Variants in TOX observed in about 807,000 individuals in gnomAD.
The protein encoded by TOX is thymocyte selection-associated high mobility group box protein TOX.
Under a neutral mutation model 53.7 loss-of-function variants are expected in TOX, and 11 were observed. The observed-to-expected ratio is 0.20, with a 90% confidence interval of 0.13 to 0.34. The LOEUF (loss-of-function observed/expected upper bound fraction) is 0.34, where lower values mean the gene tolerates loss of function less well. TOX is among the 10% of genes least tolerant of loss of function. TOX has a pLI of 1.00. For synonymous variants in TOX, 225 were observed against 245.3 expected, an observed-to-expected ratio of 0.92 and a Z score of 0.77; for missense variants, 570 against 664.6, an observed-to-expected ratio of 0.86 and a Z score of 1.56.
In TOX at chr8:58,851,158, GTCTCTCTCTC is replaced by G. The variant is rs560478337; in HGVS notation, c.693+356_693+365del. Among the ~76,000 whole-genome samples the G allele has an allele frequency of 2.2e-4, 26 of 118,214 alleles. No individual in the cohort carries two copies. Among genetic ancestry groups the G allele is most frequent in the African/African-American group, 4.1e-4 (13 of 31,978 alleles). The allele number at this position is 118,214 out of a possible 152,430, so 77.6% of individuals were successfully genotyped here. The stretch of plus-strand genomic sequence containing the variant: ...CACCATACATCTCCTCTCTCTCTCT[GTCTCTCTCTC>G]TCTCTCTCTCTCTCTCTCACACACA... On this transcript the variant is annotated intron_variant, in intron 4 of 8. Coordinates refer to ENST00000361421, the MANE Select transcript of TOX (RefSeq NM_014729.3). This position sits in a 1 kb window ranked among gnomAD's most constrained non-coding sequence, Gnocchi z 4.4.
chr8:58,895,948 T>C (rs1355206840), intron 3 of TOX, among the ~76,000 whole-genome samples: 1 of 152,218 alleles, frequency 6.6e-6, no homozygotes, highest in African/African-American at 2.4e-5. Context: ...CCAGAGCAGA[T>C]GACTTGTAAG....
intron 1 of TOX, among the ~76,000 whole-genome samples, chr8:59,040,217 T>C (rs1803550732): frequency 6.7e-6 from 1 of 148,170 alleles, no homozygotes; most frequent in Admixed American, 6.8e-5. Context: ...TAGTCCCAGC[T>C]ACTTGGGAGG....
At chr8:58,857,877 C>G (rs1364199274) in intron 3 of TOX, among the ~76,000 whole-genome samples, 1 of 152,096 alleles carries the variant, frequency 6.6e-6, no homozygotes, top group Non-Finnish European at 1.5e-5. Context: ...TCGAGTGATT[C>G]TCCTGCCTCA....
At chr8:59,098,381 C>T (rs1804749577) in intron 1 of TOX, among the ~76,000 whole-genome samples, 2 of 151,886 alleles carry the variant, frequency 1.3e-5, no homozygotes, top group African/African-American at 4.8e-5. Context: ...TTTTGTCTTT[C>T]ATGCTATTCT....
At chr8:58,906,253 T>C (rs1007352303) in intron 3 of TOX, among the ~76,000 whole-genome samples, 13 of 152,164 alleles carry the variant, frequency 8.5e-5, no homozygotes, top group Non-Finnish European at 1.6e-4. Flanking sequence ...AAACAGTATC[T>C]TAGTTGTGCA....
chr8:58,968,194 T>C (rs1812937928), intron 1 of TOX, among the ~76,000 whole-genome samples: 1 of 152,194 alleles, frequency 6.6e-6, no homozygotes, highest in African/African-American at 2.4e-5. Flanking sequence ...AATATGTGGA[T>C]GAAAGCTTAA....
chr8:59,105,625 A>C (rs1415923609), intron 1 of TOX, among the ~76,000 whole-genome samples: 2 of 152,158 alleles, frequency 1.3e-5, no homozygotes, highest in African/African-American at 4.8e-5. Flanking sequence ...TAGAGCCTAG[A>C]ACAAAGTTAT....
chr8:58,884,760 A>T (rs1811439171), intron 3 of TOX, among the ~76,000 whole-genome samples: 1 of 152,176 alleles, frequency 6.6e-6, no homozygotes. Context: ...GTTATTCCAT[A>T]AAGATTCATC....
intron 1 of TOX, among the ~76,000 whole-genome samples, chr8:58,972,427 G>T (rs1813017267): frequency 6.6e-6 from 1 of 152,076 alleles, no homozygotes. Context: ...CATTAAAATT[G>T]CTTCGGGCTA....
chr8:58,818,823 C>A (rs1350754881), intron 6 of TOX, among the ~76,000 whole-genome samples: 1 of 152,126 alleles, frequency 6.6e-6, no homozygotes, highest in East Asian at 1.9e-4. Context: ...TACAGCTTTC[C>A]GCTCTGTCCT....
At chr8:58,822,806 G>A (rs1162336259) in intron 6 of TOX, among the ~76,000 whole-genome samples, 1 of 152,208 alleles carries the variant, frequency 6.6e-6, no homozygotes, top group Non-Finnish European at 1.5e-5. Context: ...GAATCACTGA[G>A]GGTAGAGAAA....
In TOX at chr8:58,878,867, C is replaced by T. The variant is rs539119437; in HGVS notation, c.412-27062G>A. Reference sequence around the variant, plus strand: ...CCTGAAGTCAGGAGTTCGAGACCAGCCCAGCCAACATGGTGAAACCCCATC... The same window carrying T: ...CCTGAAGTCAGGAGTTCGAGACCAGTCCAGCCAACATGGTGAAACCCCATC... On this transcript the variant is annotated intron_variant, in intron 3 of 8. Coordinates refer to ENST00000361421, the MANE Select transcript of TOX (RefSeq NM_014729.3). Among the ~76,000 whole-genome samples the T allele has an allele frequency of 3.9e-5, 6 of 151,914 alleles. No homozygotes were observed. The East Asian group carries it at 1.2e-3, about 29-fold the overall frequency.
intron 3 of TOX, among the ~76,000 whole-genome samples, chr8:58,909,735 G>A (rs1373712949): frequency 1.3e-5 from 2 of 150,598 alleles, no homozygotes; most frequent in Non-Finnish European, 2.9e-5. Flanking sequence ...TTGGCTCACT[G>A]CAACCTCCAC....
At chr8:59,005,401 A>G (rs1295145123) in intron 1 of TOX, among the ~76,000 whole-genome samples, 4 of 152,198 alleles carry the variant, frequency 2.6e-5, no homozygotes, top group Non-Finnish European at 4.4e-5. Flanking sequence ...CTAAAGTATC[A>G]TTTGTTAAAA....
At chr8:58,839,630 A>G (rs1810610252) in intron 4 of TOX, among the ~76,000 whole-genome samples, 2 of 152,234 alleles carry the variant, frequency 1.3e-5, no homozygotes, top group South Asian at 4.1e-4. Flanking sequence ...AGTCTACATG[A>G]ATACAAAATA....
intron 3 of TOX, among the ~76,000 whole-genome samples, chr8:58,879,335 C>T (rs1209325826): frequency 1.3e-5 from 2 of 152,094 alleles, no homozygotes; most frequent in African/African-American, 4.8e-5. Context: ...TCAATTAGTG[C>T]ATATAATTTA....
At chr8:59,083,780 T>A (rs1396529558) in intron 1 of TOX, among the ~76,000 whole-genome samples, 2 of 152,158 alleles carry the variant, frequency 1.3e-5, no homozygotes, top group East Asian at 3.8e-4. Flanking sequence ...CTCACTCTTT[T>A]AGGAACCAAG....
chr8:58,987,969 G>GA (rs966917998), intron 1 of TOX, among the ~76,000 whole-genome samples: 1 of 152,204 alleles, frequency 6.6e-6, no homozygotes, highest in African/African-American at 2.4e-5. Context: ...ATAACTAGTT[G>GA]AAAGTAATAC....
At chr8:58,937,537 C>G (rs1445995509) in intron 3 of TOX, among the ~76,000 whole-genome samples, 1 of 152,212 alleles carries the variant, frequency 6.6e-6, no homozygotes, top group Non-Finnish European at 1.5e-5. Context: ...TGGAAAAAAT[C>G]TCTGAGCCAC....
Sources: gnomAD v4.1 joint callset for allele counts (sites outside exome capture counted in the v4.1 genomes callset) on GRCh38, gnomAD v4.1.1 for gene constraint, Gnocchi (gnomAD v3.1) non-coding constraint, MANE v1.5 for transcripts, NCBI Gene and HGNC (gene_info 2026-07-23, HGNC 2026-07-21) for gene names.